TGFBI: variants seen among roughly 807,000 people sequenced by gnomAD.
The protein encoded by TGFBI is transforming growth factor-beta-induced protein ig-h3.
TGFBI carries 50 observed loss-of-function variants against 73.7 expected under a neutral mutation model. That is an observed-to-expected ratio of 0.68 (90% CI 0.54 to 0.86). The LOEUF is 0.86. Ranked by LOEUF, TGFBI falls within the 40% of genes least tolerant of loss-of-function variation. TGFBI has a pLI of 0.00. For synonymous variants in TGFBI, 362 were observed against 360.5 expected (o/e 1.00, Z -0.05); for missense variants, 839 against 877.0 (o/e 0.96, Z 0.55).
chr5:136,043,279 G>A (rs756263642), intron 2 of TGFBI, among the ~76,000 whole-genome samples: 1 of 152,052 alleles, frequency 6.6e-6, no homozygotes, highest in Non-Finnish European at 1.5e-5. Flanking sequence ...TGTTTTAGCC[G>A]TCCCCAGAAT....
rs556212158 is a variant in TGFBI, at chr5:136,035,629, A to G, written c.233+1768A>G. Among the ~76,000 whole-genome samples, 363 of 151,554 alleles carry G rather than the reference A, an allele frequency of 2.4e-3. 2 individuals carry two copies. Among genetic ancestry groups the G allele is most frequent in the Non-Finnish European group, 4.2e-3 (283 of 67,840 alleles). ...GACAGAGTGAGACACCGTCTCAAAA[A>G]AAAAAAAAAAAAAAGAAAAGAAAAC... On this transcript the variant is annotated intron_variant, in intron 2 of 16. Coordinates refer to ENST00000442011, the MANE Select transcript of TGFBI (RefSeq NM_000358.3).
chr5:136,062,803 G>A, intron 16 of TGFBI, 116 bp downstream of exon 16: 1 of 1,200,074 alleles, frequency 8.3e-7, no homozygotes, highest in Non-Finnish European at 1.2e-6. Context: ...AGTAAAAGAA[G>A]CCTGGCCTTT....
In TGFBI at chr5:136,033,835, C is replaced by G. The variant is rs1372278405; in HGVS notation, c.207C>G (p.Tyr69Ter). Residue 69 changes from tyrosine to a stop codon, truncating the protein, a stop_gained, in exon 2 of 17, where the codon TAC becomes TAG. Coordinates refer to ENST00000442011, the MANE Select transcript of TGFBI (RefSeq NM_000358.3). LOFTEE classifies it high-confidence loss of function. Reference sequence around the variant, plus strand: ...ACTTCACCAACTGCAAGCAGTGGTACCAAAGGAAAATCTGTGGCAAATCAA... The same window carrying G: ...ACTTCACCAACTGCAAGCAGTGGTAGCAAAGGAAAATCTGTGGCAAATCAA... ...RKYFTNCKQW[Y>*]QRKICGKSTV... is the part of the protein sequence containing the mutation. 6.2e-7 allele frequency: 1 copy of G among 1,613,770 alleles called. No individual in the cohort carries two copies. The highest frequency in any genetic ancestry group is 1.7e-5 in the Admixed American group (1 of 60,010).
At chr5:136,058,106 T>G (rs1326438196) in intron 12 of TGFBI, among the ~76,000 whole-genome samples, 1 of 152,124 alleles carries the variant, frequency 6.6e-6, no homozygotes, top group Non-Finnish European at 1.5e-5. Flanking sequence ...CCCCAGGGGC[T>G]GGTGTGGCTC....
chr5:136,047,413 C>A lies in TGFBI; in HGVS notation c.764C>A (p.Thr255Asn). 5 of 1,613,888 alleles carry A rather than the reference C, an allele frequency of 3.1e-6. No individual in the cohort carries two copies. Among genetic ancestry groups the A allele is most frequent in the Non-Finnish European group, 4.2e-6 (5 of 1,179,852 alleles). ...QIIEIEDTFE[T>N]LRAAVAASGL... ...ATTGAGATCGAGGACACCTTTGAGACCCTTCGGGTAAGGGACTGCCCTGGG... is the reference window on the plus strand; with the variant it reads ...ATTGAGATCGAGGACACCTTTGAGAACCTTCGGGTAAGGGACTGCCCTGGG... Residue 255 changes from threonine to asparagine, a missense_variant, in exon 6 of 17, where the codon ACC (threonine) becomes AAC (asparagine). Transcript: ENST00000442011.
chr5:136,058,663 T>C (rs1751693538), intron 12 of TGFBI: 1 of 164,428 alleles, frequency 6.1e-6, no homozygotes, highest in African/African-American at 2.4e-5. Flanking sequence ...TGCACTACTG[T>C]GTTATAACCG....
chr5:136,035,356 G>A (rs1751198464), intron 2 of TGFBI, among the ~76,000 whole-genome samples: 1 of 152,194 alleles, frequency 6.6e-6, no homozygotes, highest in Non-Finnish European at 1.5e-5. Context: ...GGGCACAGTG[G>A]CTCACGCCTG....
At chr5:136,049,693 T>C (rs1751499118) in intron 7 of TGFBI, 113 bp downstream of exon 7, 1 of 1,311,342 alleles carries the variant, frequency 7.6e-7, no homozygotes, top group South Asian at 1.4e-5. Context: ...CCTCAGGATA[T>C]CCACTGCAGC....
chr5:136,036,710 C>G (rs1751228370), intron 2 of TGFBI, among the ~76,000 whole-genome samples: 1 of 152,066 alleles, frequency 6.6e-6, no homozygotes, highest in Admixed American at 6.5e-5. Context: ...CCCTAGATGC[C>G]TTTAGTTGAG....
chr5:136,063,629 C>A lies in TGFBI; in HGVS notation c.*403C>A, dbSNP rs1263742597. The A allele has an allele frequency of 1.0e-5, 2 of 193,870 alleles. No homozygotes were observed. Among genetic ancestry groups the A allele is most frequent in the Non-Finnish European group, 2.1e-5 (2 of 94,282 alleles). The allele number at this position is 193,870 out of a possible 1,614,324, so 12.0% of individuals were successfully genotyped here. On this transcript the variant is annotated 3_prime_UTR_variant, in exon 17 of 17. Coordinates refer to ENST00000442011, the MANE Select transcript of TGFBI (RefSeq NM_000358.3). ...GCACAGTTTTTGTAAAGCCCTTGCA[C>A]AGCTGGAGAAATGGCATCATTATAA...
intron 11 of TGFBI, 41 bp downstream of exon 11, chr5:136,055,857 T>C: frequency 6.4e-7 from 1 of 1,558,986 alleles, no homozygotes; most frequent in Non-Finnish European, 8.7e-7. Context: ...TGCCCAGTGG[T>C]CATGCTGGAG....
intron 1 of TGFBI, among the ~76,000 whole-genome samples, chr5:136,031,792 C>T (rs1425060078): frequency 6.6e-6 from 1 of 152,200 alleles, no homozygotes; most frequent in East Asian, 1.9e-4. Flanking sequence ...TTGCTCATTT[C>T]AATTAAGCTT....
rs530763550 is a variant in TGFBI at position 136,030,446 on chromosome 5, C to T, written c.134+1257C>T. On this transcript the variant is annotated intron_variant, in intron 1 of 16. Coordinates refer to ENST00000442011, the MANE Select transcript of TGFBI (RefSeq NM_000358.3). ...GCCTTTCAGGAGTTTGGGGCTCTGG[C>T]GGAGAGGGCCTGCTGGGAGCACATC... Among the ~76,000 whole-genome samples, 221 of 152,172 alleles carry T rather than the reference C, an allele frequency of 1.5e-3. 1 individual carries two copies. Among genetic ancestry groups the T allele is most frequent in the African/African-American group, 4.7e-3 (197 of 41,506 alleles).
chr5:136,035,921 G>A (rs2237067), intron 2 of TGFBI, among the ~76,000 whole-genome samples: 3 of 152,130 alleles, frequency 2.0e-5, no homozygotes, highest in Admixed American at 6.5e-5. Context: ...ACACTGTTTC[G>A]GGGGTGCCGC....
chr5:136,046,530 T>C, intron 4 of TGFBI, 35 bp downstream of exon 4: 2 of 1,567,730 alleles, frequency 1.3e-6, no homozygotes, highest in Middle Eastern at 1.7e-4. Flanking sequence ...GGGACTCTTA[T>C]GGGGAACTGC....
chr5:136,043,127 T>G (rs1397497969), intron 2 of TGFBI, among the ~76,000 whole-genome samples: 1 of 152,244 alleles, frequency 6.6e-6, no homozygotes, highest in African/African-American at 2.4e-5. Context: ...GTTCCAGGCC[T>G]GTTGAGTAGA....
chr5:136,055,028 G>A, intron 10 of TGFBI, 167 bp downstream of exon 10: 3 of 813,300 alleles, frequency 3.7e-6, no homozygotes, highest in Non-Finnish European at 5.8e-6. Flanking sequence ...AGATCCTGCA[G>A]AAGGATTGGA....
chr5:136,059,619 C>T (rs775766218), intron 13 of TGFBI, among the ~76,000 whole-genome samples: 16 of 152,176 alleles, frequency 1.1e-4, no homozygotes, highest in Non-Finnish European at 1.9e-4. Context: ...TTTTTGAGTT[C>T]TGACACTTGC....
chr5:136,040,752 T>G (rs1227551392), intron 2 of TGFBI, among the ~76,000 whole-genome samples: 1 of 152,214 alleles, frequency 6.6e-6, no homozygotes, highest in Non-Finnish European at 1.5e-5. Context: ...AACAGATTGG[T>G]CTTTTCTATG....
Sources: allele counts gnomAD v4.1 joint callset (sites outside exome capture counted in the v4.1 genomes callset), GRCh38; gene constraint gnomAD v4.1.1; transcripts MANE v1.5; gene names NCBI Gene and HGNC (gene_info 2026-07-23, HGNC 2026-07-21).